IL1R2: variants seen among roughly 807,000 people sequenced by gnomAD.
IL1R2 encodes the protein interleukin 1 receptor type 2.
A neutral mutation model predicts 39.5 loss-of-function variants in IL1R2; 46 were observed. The observed-to-expected ratio is 1.16, with a 90% CI of 0.92 to 1.49. The LOEUF (loss-of-function observed/expected upper bound fraction) is 1.49, where lower values mean the gene tolerates loss of function less well. Ranked by LOEUF, IL1R2 falls within the 40% of genes most tolerant of loss-of-function variation. The probability of loss-of-function intolerance (pLI) is 0.00; values close to 1 mark genes in which losing one functional copy is unlikely to be tolerated. For synonymous variants in IL1R2, 207 were observed against 189.6 expected (o/e 1.09, Z -0.75); for missense variants, 537 against 502.0 (o/e 1.07, Z -0.67).
intron 7 of IL1R2, chr2:102,024,879 G>C: frequency 1.8e-6 from 1 of 553,942 alleles, no homozygotes; most frequent in Non-Finnish European, 3.0e-6. Flanking sequence ...AGTTGCAGTT[G>C]ACATGTTGGT....
Position 102,016,048 on chromosome 2 carries a change from C to A in IL1R2, c.510C>A (p.Tyr170Ter), listed in dbSNP as rs1224509461. The A allele has an allele frequency of 1.0e-5, 16 of 1,598,124 alleles. No individual in the cohort carries two copies. Among genetic ancestry groups the A allele is most frequent in the African/African-American group, 2.7e-5 (2 of 74,466 alleles). ...AAACTGACGTGAAGATTCAATGGTA[C>A]AAGGTACGGCTTTAAAAAATGCCAT... ...RDKTDVKIQW[Y>*]KDSLLLDKDN... The change falls in exon 4 of 9, where the codon TAC (tyrosine) becomes TAA (stop). Residue 170 changes from tyrosine to a stop codon, truncating the protein, a stop_gained. Coordinates refer to ENST00000332549, the MANE Select transcript of IL1R2 (RefSeq NM_004633.4). LOFTEE classifies it high-confidence loss of function.
At chr2:102,016,208 C>A in intron 4 of IL1R2, 157 bp downstream of exon 4, 1 of 562,108 alleles carries the variant, frequency 1.8e-6, no homozygotes, top group Non-Finnish European at 3.1e-6. Context: ...AGTTCCACAT[C>A]CTGGGATTCA....
chr2:101,996,058 A>G (rs1675570500), intron 1 of IL1R2, among the ~76,000 whole-genome samples: 1 of 152,156 alleles, frequency 6.6e-6, no homozygotes, highest in African/African-American at 2.4e-5. Context: ...TGTGAAATGC[A>G]CAGGCCTGGA....
chr2:102,002,290 GTGTGTC>G (rs200294532), intron 1 of IL1R2, among the ~76,000 whole-genome samples: 8,022 of 150,054 alleles, frequency 0.053, 448 homozygotes, highest in East Asian at 0.16. Context: ...GTCTGTGTCT[GTGTGTC>G]TGTGTCTGTG....
At chr2:102,022,471 G>A (rs1166722985) in intron 6 of IL1R2, among the ~76,000 whole-genome samples, 1 of 152,168 alleles carries the variant, frequency 6.6e-6, no homozygotes, top group African/African-American at 2.4e-5. Flanking sequence ...TCTGAAAACA[G>A]GTATACTTTG....
intron 1 of IL1R2, among the ~76,000 whole-genome samples, chr2:102,002,326 C>CTGTG (rs1415662123): frequency 1.8e-5 from 2 of 111,984 alleles, no homozygotes; most frequent in African/African-American, 7.7e-5. Flanking sequence ...GTGTCTGTGT[C>CTGTG]TGTGTGTCTG....
chr2:102,028,414 C>G lies in IL1R2; in HGVS notation c.*22C>G, dbSNP rs745634588. On this transcript the variant is annotated 3_prime_UTR_variant, in exon 9 of 9. Coordinates refer to ENST00000332549, the MANE Select transcript of IL1R2 (RefSeq NM_004633.4). ...GTGAAATAAATGGAATGAAATAATTCAAACACAAACTCCGTACGTCTTCTC... is the reference window on the plus strand; with the variant it reads ...GTGAAATAAATGGAATGAAATAATTGAAACACAAACTCCGTACGTCTTCTC... 1.3e-6 allele frequency: 2 copies of G among 1,559,204 alleles called. No individual in the cohort carries two copies. The highest frequency in any genetic ancestry group is 1.7e-4 in the Middle Eastern group (1 of 5,882).
At chr2:102,025,326 T>C (rs367909373) in intron 7 of IL1R2, among the ~76,000 whole-genome samples, 14 of 152,332 alleles carry the variant, frequency 9.2e-5, no homozygotes, top group South Asian at 8.3e-4. Flanking sequence ...ATGGTTGTGT[T>C]TTTTGAAAGA....
Position 102,008,548 on chromosome 2 carries a change from C to G in IL1R2, c.-28C>G. ...CTGCTGGGTCTCAGTCCTCCACTTC[C>G]CGTGTCCTCTGGAAGTTGTCAGGAG... On this transcript the variant is annotated 5_prime_UTR_variant, in exon 2 of 9. Coordinates refer to ENST00000332549, the MANE Select transcript of IL1R2 (RefSeq NM_004633.4). 6.2e-7 allele frequency: 1 copy of G among 1,605,154 alleles called. No homozygotes were observed. Among genetic ancestry groups the G allele is most frequent in the Non-Finnish European group, 8.5e-7 (1 of 1,172,012 alleles).
At chr2:102,022,103 G>A (rs1677435387) in intron 5 of IL1R2, 84 bp from the exon 6 acceptor site, 8 of 1,138,034 alleles carry the variant, frequency 7.0e-6, no homozygotes, top group Non-Finnish European at 1.1e-5. Flanking sequence ...GGATAACTTA[G>A]TTGATTAGCC....
At chr2:102,013,487 G>A (rs1676763131) in intron 3 of IL1R2, among the ~76,000 whole-genome samples, 1 of 116,610 alleles carries the variant, frequency 8.6e-6, no homozygotes, top group African/African-American at 3.3e-5. Flanking sequence ...CTCCTTGCTT[G>A]GTGCTCTGCA....
intron 8 of IL1R2, among the ~76,000 whole-genome samples, chr2:102,027,334 G>A (rs1362641568): frequency 6.6e-6 from 1 of 152,166 alleles, no homozygotes; most frequent in Non-Finnish European, 1.5e-5. Flanking sequence ...CCCTCTCGGG[G>A]TCAGATTAGT....
At chr2:102,021,345 T>C in intron 5 of IL1R2, among the ~76,000 whole-genome samples, 1 of 147,672 alleles carries the variant, frequency 6.8e-6, no homozygotes, top group South Asian at 2.2e-4. Flanking sequence ...AGGCGGAGTC[T>C]CGCTCTGCCA....
chr2:102,024,027 C>T (rs3218971), intron 6 of IL1R2, among the ~76,000 whole-genome samples: 29,699 of 145,418 alleles, frequency 0.2, 3,748 homozygotes, highest in African/African-American at 0.33. Flanking sequence ...CCAGCCTGGG[C>T]GACAGAGCGA....
intron 3 of IL1R2, among the ~76,000 whole-genome samples, chr2:102,013,855 A>G (rs1676821410): frequency 6.6e-6 from 1 of 152,104 alleles, no homozygotes; most frequent in South Asian, 2.1e-4. Context: ...GGCCACACAT[A>G]TAACTCATGA....
chr2:101,994,261 C>T (rs998527307), intron 1 of IL1R2, among the ~76,000 whole-genome samples: 1 of 152,062 alleles, frequency 6.6e-6, no homozygotes, highest in Non-Finnish European at 1.5e-5. Context: ...CCCACCCCGA[C>T]CTCCAAAGCC....
intron 3 of IL1R2, among the ~76,000 whole-genome samples, chr2:102,013,541 AAAAAAAAAAAAG>A (rs1350102239): frequency 6.9e-6 from 1 of 143,934 alleles, no homozygotes; most frequent in East Asian, 2.0e-4. Context: ...AAAAAAAAAA[AAAAAAAAAAAAG>A]GAAAGAAAGA....
chr2:102,015,937 G>A lies in IL1R2; in HGVS notation c.399G>A (p.Leu133=), dbSNP rs1167262523. Residue 133 remains leucine (L), a synonymous_variant, in exon 4 of 9, where the codon CTG becomes CTA. Coordinates refer to ENST00000332549, the MANE Select transcript of IL1R2 (RefSeq NM_004633.4). ...LRVFENTDAF[L]PFISYPQILT... ...TTTTTGAGAATACAGATGCTTTCCT[G>A]CCGTTCATCTCATACCCGCAAATTT... 1 of 1,613,780 alleles carries A rather than the reference G, an allele frequency of 6.2e-7. No individual in the cohort carries two copies. Among genetic ancestry groups the A allele is most frequent in the East Asian group, 2.2e-5 (1 of 44,868 alleles).
intron 4 of IL1R2, among the ~76,000 whole-genome samples, chr2:102,019,178 A>AT (rs1189897040): frequency 6.6e-6 from 1 of 152,018 alleles, no homozygotes; most frequent in Non-Finnish European, 1.5e-5. Context: ...TATAACAGAG[A>AT]TTTTTCTGTT....
Sources: allele counts gnomAD v4.1 joint callset (sites outside exome capture counted in the v4.1 genomes callset), GRCh38; gene constraint gnomAD v4.1.1; transcripts MANE v1.5; gene names NCBI Gene and HGNC (gene_info 2026-07-23, HGNC 2026-07-21).